Variants in STK3 observed in about 807,000 individuals in gnomAD.
STK3 encodes the protein serine/threonine-protein kinase 3.
Under a neutral mutation model 58.0 loss-of-function variants are expected in STK3, and 41 were observed. The ratio of observed to expected loss-of-function variants is 0.71; its 90% CI spans 0.55 to 0.92. The LOEUF is 0.92. Ranked by LOEUF, STK3 falls within the 40% of genes least tolerant of loss-of-function variation. The pLI, the probability that STK3 is intolerant of heterozygous loss-of-function variation, is 0.00. For missense variants in STK3, 479 were observed against 602.7 expected, an observed-to-expected ratio of 0.79 and a Z score of 2.15; for synonymous variants, 170 against 191.0, an observed-to-expected ratio of 0.89 and a Z score of 0.91.
At chr8:98,861,261 A>G (rs1836924622) in intron 3 of STK3, among the ~76,000 whole-genome samples, 1 of 150,280 alleles carries the variant, frequency 6.7e-6, no homozygotes, top group Non-Finnish European at 1.5e-5. Flanking sequence ...ACCTCTCAGG[A>G]CTCACTCTGG....
chr8:98,690,463 AAAC>A (rs1055481900), intron 6 of STK3, among the ~76,000 whole-genome samples: 6 of 151,906 alleles, frequency 3.9e-5, no homozygotes, highest in African/African-American at 1.4e-4. Context: ...AAAAAAAAAA[AAAC>A]AACCTAGGAA....
intron 3 of STK3, among the ~76,000 whole-genome samples, chr8:98,840,183 C>T (rs944814038): frequency 5.3e-5 from 8 of 151,714 alleles, no homozygotes; most frequent in African/African-American, 1.9e-4. Context: ...CCCGTCTCTA[C>T]TGAAAATACA....
intron 6 of STK3, among the ~76,000 whole-genome samples, chr8:98,644,463 A>G (rs1397717810): frequency 1.3e-5 from 2 of 152,200 alleles, no homozygotes; most frequent in Non-Finnish European, 2.9e-5. Context: ...CTAAGTCTTT[A>G]GAAAAGCTTC....
chr8:98,775,857 C>T (rs1190057235), intron 1 of STK3, among the ~76,000 whole-genome samples: 1 of 152,182 alleles, frequency 6.6e-6, no homozygotes, highest in Non-Finnish European at 1.5e-5. Flanking sequence ...AGAAAACATA[C>T]TACTTAATGG....
chr8:98,598,502 T>A (rs886541270), intron 6 of STK3: 1 of 985,308 alleles, frequency 1.0e-6, no homozygotes, highest in African/African-American at 1.7e-5. Context: ...TTTTTAAGGT[T>A]AGCTCATCAA....
intron 3 of STK3, among the ~76,000 whole-genome samples, chr8:98,424,120 G>A (rs1206110284): frequency 6.6e-6 from 1 of 152,260 alleles, no homozygotes; most frequent in Admixed American, 6.5e-5. Flanking sequence ...ACGATGACTG[G>A]GAAATAAACA....
chr8:98,639,540 A>G (rs891487074), intron 6 of STK3, among the ~76,000 whole-genome samples: 1 of 152,218 alleles, frequency 6.6e-6, no homozygotes, highest in African/African-American at 2.4e-5. Flanking sequence ...CTAACACAGG[A>G]ATTTTTAGAC....
chr8:98,820,053 T>A (rs749074112), intron 1 of STK3, among the ~76,000 whole-genome samples: 3 of 152,208 alleles, frequency 2.0e-5, no homozygotes, highest in Non-Finnish European at 4.4e-5. Flanking sequence ...GCTTAACTCC[T>A]CTATATTCTC....
At chr8:98,829,949 G>A (rs541694888), upstream of STK3, among the ~76,000 whole-genome samples, 5 of 151,556 alleles carry the variant, frequency 3.3e-5, no homozygotes, top group South Asian at 6.3e-4. Context: ...GGAAGAGGCC[G>A]GACGTGGTGG....
intron 3 of STK3, among the ~76,000 whole-genome samples, chr8:98,834,130 C>T (rs1835658924): frequency 6.6e-6 from 1 of 152,178 alleles, no homozygotes; most frequent in African/African-American, 2.4e-5. Flanking sequence ...TATAAGTGTA[C>T]CTAATAATGT....
chr8:98,891,597 T>A (rs1838201359), intron 1 of STK3, among the ~76,000 whole-genome samples: 1 of 149,282 alleles, frequency 6.7e-6, no homozygotes, highest in African/African-American at 2.5e-5. Flanking sequence ...GACTTTATCT[T>A]TAAATAAAAC....
intron 6 of STK3, among the ~76,000 whole-genome samples, chr8:98,702,597 A>C (rs1208690076): frequency 6.6e-6 from 1 of 152,168 alleles, no homozygotes; most frequent in East Asian, 1.9e-4. Flanking sequence ...TGGTACCTAA[A>C]CACGGTAAAA....
intron 10 of STK3, among the ~76,000 whole-genome samples, chr8:98,489,625 T>G (rs1822538783): frequency 6.6e-6 from 1 of 152,200 alleles, no homozygotes; most frequent in Admixed American, 6.5e-5. Context: ...ACATGAAATT[T>G]ATTTTTCCAC....
intron 6 of STK3, among the ~76,000 whole-genome samples, chr8:98,607,361 G>A (rs1330933215): frequency 6.6e-6 from 1 of 152,056 alleles, no homozygotes; most frequent in Non-Finnish European, 1.5e-5. Flanking sequence ...TTGCACTACA[G>A]GTACAAAAGC....
chr8:98,814,637 G>A (rs966793657), intron 1 of STK3, among the ~76,000 whole-genome samples: 1 of 152,050 alleles, frequency 6.6e-6, no homozygotes, highest in African/African-American at 2.4e-5. Context: ...CTCCCATGTA[G>A]ATGGGACTAC....
At chr8:98,811,795 T>A (rs118096682) in intron 1 of STK3, among the ~76,000 whole-genome samples, 37 of 152,338 alleles carry the variant, frequency 2.4e-4, no homozygotes, top group Non-Finnish European at 5.0e-4. Flanking sequence ...AGGAAGTACA[T>A]TTTTACCTCA....
chr8:98,660,735 A>G (rs1212059540), intron 6 of STK3, among the ~76,000 whole-genome samples: 4 of 152,084 alleles, frequency 2.6e-5, no homozygotes, highest in Non-Finnish European at 5.9e-5. Context: ...CCCTTTACCA[A>G]TGCAATCAGT....
At chr8:98,772,839 G>A (rs1440212215) in intron 2 of STK3, among the ~76,000 whole-genome samples, 4 of 152,132 alleles carry the variant, frequency 2.6e-5, no homozygotes. Context: ...CACCAGAAGC[G>A]GATGCCGGCA....
intron 8 of STK3, among the ~76,000 whole-genome samples, chr8:98,558,446 T>G (rs916934498): frequency 6.6e-6 from 1 of 152,104 alleles, no homozygotes; most frequent in Admixed American, 6.6e-5. Context: ...GGACAACAAA[T>G]GTCTTTCACA....
Sources: allele counts gnomAD v4.1 joint callset (sites outside exome capture counted in the v4.1 genomes callset), GRCh38; gene constraint gnomAD v4.1.1; transcripts MANE v1.5; gene names NCBI Gene and HGNC (gene_info 2026-07-23, HGNC 2026-07-21).